CNTNAP4: variants seen among roughly 807,000 people sequenced by gnomAD.
CNTNAP4 encodes the protein contactin associated protein family member 4, also known as contactin-associated protein-like 4.
CNTNAP4 carries 98 observed loss-of-function variants against 148.4 expected under a neutral mutation model. That is an observed-to-expected ratio of 0.66 (90% CI 0.56 to 0.78). CNTNAP4 has a LOEUF of 0.78. Ranked by LOEUF, CNTNAP4 falls within the 30% of genes least tolerant of loss-of-function variation. CNTNAP4 has a pLI of 0.00. For missense variants in CNTNAP4, 1,935 were observed against 1,565.6 expected (o/e 1.24, Z -3.98); for synonymous variants, 730 against 565.1 (o/e 1.29, Z -4.14).
intron 3 of CNTNAP4, among the ~76,000 whole-genome samples, chr16:76,373,409 AT>A (rs1227256090): frequency 1.3e-5 from 2 of 152,132 alleles, no homozygotes; most frequent in African/African-American, 4.8e-5. Context: ...CATATTCCCA[AT>A]TGCCTTTATA....
intron 3 of CNTNAP4, among the ~76,000 whole-genome samples, chr16:76,389,808 A>T (rs566237143): frequency 1.3e-5 from 2 of 152,086 alleles, no homozygotes. Flanking sequence ...ATAGTGGCCT[A>T]TTCTGTCCTC....
chr16:76,415,930 GT>G (rs35758749), intron 3 of CNTNAP4, among the ~76,000 whole-genome samples: 9,076 of 146,196 alleles, frequency 0.062, 408 homozygotes, highest in African/African-American at 0.13. Flanking sequence ...TATACTGTTT[GT>G]TTTTTTTTTT....
At chr16:76,393,669 A>G (rs778390833) in intron 3 of CNTNAP4, among the ~76,000 whole-genome samples, 6 of 151,850 alleles carry the variant, frequency 4.0e-5, no homozygotes, top group Non-Finnish European at 8.8e-5. Context: ...GAGGAGGAGG[A>G]TGAAGACATT....
At chr16:76,384,986 A>AT (rs987176960) in intron 3 of CNTNAP4, among the ~76,000 whole-genome samples, 1 of 152,192 alleles carries the variant, frequency 6.6e-6, no homozygotes, top group African/African-American at 2.4e-5. Context: ...CGGTTGCAAC[A>AT]TTTTTTGAAG....
chr16:76,456,948 A>G (rs2080755460), intron 8 of CNTNAP4, among the ~76,000 whole-genome samples: 1 of 152,162 alleles, frequency 6.6e-6, no homozygotes, highest in South Asian at 2.1e-4. Context: ...TATAGTGAAG[A>G]TTAAATGATA....
At chr16:76,499,547 A>T (rs1462568177) in intron 15 of CNTNAP4, among the ~76,000 whole-genome samples, 1 of 151,134 alleles carries the variant, frequency 6.6e-6, no homozygotes, top group Non-Finnish European at 1.5e-5. Flanking sequence ...GTTCTTTTTT[A>T]TTTATTTATT....
intron 3 of CNTNAP4, among the ~76,000 whole-genome samples, chr16:76,400,404 A>G (rs2078366887): frequency 6.6e-6 from 1 of 152,132 alleles, no homozygotes; most frequent in Non-Finnish European, 1.5e-5. Context: ...AAAAATAAAA[A>G]TTCTTGTAAA....
intron 2 of CNTNAP4, among the ~76,000 whole-genome samples, chr16:76,326,401 A>G (rs1033349711): frequency 2.0e-5 from 3 of 152,170 alleles, no homozygotes; most frequent in African/African-American, 7.2e-5. Context: ...GTGTGTCCTG[A>G]GCATCTTGCC....
chr16:76,376,904 GGTTTGTGTGTGTGTGT>G (rs1386410700), intron 3 of CNTNAP4, among the ~76,000 whole-genome samples: 2 of 103,838 alleles, frequency 1.9e-5, no homozygotes, highest in Non-Finnish European at 3.8e-5. Flanking sequence ...AAACTAACAA[GGTTTGTGTGTGTGTGT>G]GTGTGTGTGT....
chr16:76,341,373 A>G (rs926984305), intron 2 of CNTNAP4, among the ~76,000 whole-genome samples: 4 of 152,164 alleles, frequency 2.6e-5, no homozygotes, highest in African/African-American at 7.2e-5. Context: ...AAACAGTGAA[A>G]TTATTTTTTA....
At chr16:76,311,292 C>A (rs574934889) in intron 1 of CNTNAP4, among the ~76,000 whole-genome samples, 31 of 152,098 alleles carry the variant, frequency 2.0e-4, no homozygotes, top group Admixed American at 1.6e-3. Context: ...GTGAAGGAGG[C>A]TATTGAGTTT....
At chr16:76,287,713 T>G (rs1206335049) in intron 1 of CNTNAP4, 1 of 152,288 alleles carries the variant, frequency 6.6e-6, no homozygotes, top group Non-Finnish European at 1.5e-5. Context: ...GTAAGGCAGC[T>G]GTTCCCTCTT....
Position 76,535,527 on chromosome 16 carries a change from G to A in CNTNAP4, c.2756-18G>A. 6.2e-7 allele frequency: 1 copy of A among 1,609,994 alleles called. No individual in the cohort carries two copies. Among genetic ancestry groups the A allele is most frequent in the Non-Finnish European group, 8.5e-7 (1 of 1,178,494 alleles). On this transcript the variant is annotated intron_variant, in intron 17 of 23. Transcript: ENST00000611870. ...AACACCTAGGAACATGTTTCCATTT[G>A]CAGTATTTCCCTTTTAGGTGGAACG...
chr16:76,372,643 C>T (rs2014975150), intron 3 of CNTNAP4, among the ~76,000 whole-genome samples: 1 of 152,134 alleles, frequency 6.6e-6, no homozygotes, highest in African/African-American at 2.4e-5. Context: ...GTCTTTTCTG[C>T]CACCATGTAA....
At chr16:76,367,331 A>G (rs1471260383) in intron 3 of CNTNAP4, among the ~76,000 whole-genome samples, 2 of 152,254 alleles carry the variant, frequency 1.3e-5, no homozygotes, top group South Asian at 2.1e-4. Flanking sequence ...ATATAGGACA[A>G]TGTAAAGATA....
Position 76,378,169 on chromosome 16 carries a change from C to A in CNTNAP4, c.390+22658C>A, listed in dbSNP as rs77892360. On this transcript the variant is annotated intron_variant, in intron 3 of 23. Transcript: ENST00000611870. Reference sequence around the variant, plus strand: ...GAGAGGGTGAGGGATGAAAAATTACCTATGGGATACAATGTACACTATTCA... The same window carrying A: ...GAGAGGGTGAGGGATGAAAAATTACATATGGGATACAATGTACACTATTCA... 1.5e-3 allele frequency among the ~76,000 whole-genome samples: 224 copies of A among 152,160 alleles called. 2 individuals carry two copies. Among genetic ancestry groups the A allele is most frequent in the Non-Finnish European group, 2.8e-3 (189 of 68,004 alleles).
At chr16:76,419,474 T>G (rs2079105237) in intron 3 of CNTNAP4, among the ~76,000 whole-genome samples, 1 of 152,074 alleles carries the variant, frequency 6.6e-6, no homozygotes, top group African/African-American at 2.4e-5. Context: ...CACAGAAATG[T>G]GGAGCCCTCT....
chr16:76,511,573 G>A (rs141581262), intron 15 of CNTNAP4, among the ~76,000 whole-genome samples: 1 of 152,150 alleles, frequency 6.6e-6, no homozygotes, highest in African/African-American at 2.4e-5. Flanking sequence ...ATAAAATAAT[G>A]TAACTTTGTT....
chr16:76,309,015 A>G (rs1960801059), intron 1 of CNTNAP4, among the ~76,000 whole-genome samples: 1 of 150,640 alleles, frequency 6.6e-6, no homozygotes, highest in African/African-American at 2.4e-5. Flanking sequence ...CATCTTGCTT[A>G]GGCTGATCTT....
Sources: gnomAD v4.1 joint callset for allele counts (sites outside exome capture counted in the v4.1 genomes callset) on GRCh38, gnomAD v4.1.1 for gene constraint, MANE v1.5 for transcripts, NCBI Gene and HGNC (gene_info 2026-07-23, HGNC 2026-07-21) for gene names.